Variants in AAK1 observed in about 807,000 individuals in gnomAD.
The protein encoded by AAK1 is AP2-associated protein kinase 1.
In AAK1, 37 loss-of-function variants were observed where a neutral mutation model predicts 116.0. That is an observed-to-expected ratio of 0.32 (90% CI 0.25 to 0.42). AAK1 has a LOEUF of 0.42. AAK1 is among the 10% of genes least tolerant of loss of function. The pLI is 1.00. For synonymous variants in AAK1, 458 were observed against 439.9 expected (o/e 1.04, Z -0.51); for missense variants, 919 against 1,170.6 (o/e 0.79, Z 3.14).
chr2:69,467,228 A>G lies in AAK1; in HGVS notation c.*8641T>C. ...TTTGTTTTCAGTCTTCTAAGTTCAT[A>G]AAGATCTCCTCTGCTTAAATGAATC... On this transcript the variant is annotated 3_prime_UTR_variant, in exon 22 of 22. Coordinates refer to ENST00000409085, the MANE Select transcript of AAK1 (RefSeq NM_014911.5). The G allele has an allele frequency of 1.0e-6, 1 of 985,440 alleles. No individual in the cohort carries two copies. Among genetic ancestry groups the G allele is most frequent in the Non-Finnish European group, 1.2e-6 (1 of 829,918 alleles). 61.0% of individuals were successfully genotyped at this position (985,440 alleles called of 1,614,324 possible). A position where few individuals can be genotyped will look rare whatever the true frequency, so the allele number is the denominator to read the frequency against.
chr2:69,604,485 T>C (rs1673712183), intron 2 of AAK1, among the ~76,000 whole-genome samples: 1 of 152,182 alleles, frequency 6.6e-6, no homozygotes, highest in African/African-American at 2.4e-5. Flanking sequence ...CAAATGCTCA[T>C]TGCTAACTCA....
chr2:69,570,595 G>C (rs1201869481), intron 2 of AAK1, among the ~76,000 whole-genome samples: 2 of 151,980 alleles, frequency 1.3e-5, no homozygotes, highest in African/African-American at 2.4e-5. Context: ...TCTCTAGGTA[G>C]GGCACCTGAA....
Position 69,472,679 on chromosome 2 carries a change from T to C in AAK1, c.*3190A>G. 2 of 985,442 alleles carry C rather than the reference T, an allele frequency of 2.0e-6. No individual in the cohort carries two copies. The highest frequency in any genetic ancestry group is 2.4e-6 in the Non-Finnish European group (2 of 829,918). 61.0% of individuals were successfully genotyped at this position (985,442 alleles called of 1,614,324 possible). On this transcript the variant is annotated 3_prime_UTR_variant, in exon 22 of 22. Coordinates refer to ENST00000409085, the MANE Select transcript of AAK1 (RefSeq NM_014911.5). ...TAAAGGGAAAAATCAATTTGTCATG[T>C]TTTCTGCTATAGTTACTCCTCTTAC...
intron 17 of AAK1, among the ~76,000 whole-genome samples, chr2:69,486,428 A>T (rs913151258): frequency 1.2e-4 from 18 of 152,186 alleles, no homozygotes; most frequent in African/African-American, 4.3e-4. Flanking sequence ...TCACATAGAT[A>T]ACTTGTATGG....
chr2:69,553,429 T>C (rs934073312), intron 3 of AAK1, among the ~76,000 whole-genome samples: 2 of 144,506 alleles, frequency 1.4e-5, no homozygotes, highest in African/African-American at 5.3e-5. Context: ...CTTCTAGAAT[T>C]GAAAGTTGTT....
At chr2:69,625,862 C>G (rs532785365) in intron 2 of AAK1, among the ~76,000 whole-genome samples, 1 of 152,102 alleles carries the variant, frequency 6.6e-6, no homozygotes, top group Non-Finnish European at 1.5e-5. Flanking sequence ...TATCCTTTGT[C>G]ATTTCTTCTC....
intron 3 of AAK1, among the ~76,000 whole-genome samples, chr2:69,546,110 C>T (rs6707545): frequency 0.25 from 37,153 of 149,530 alleles, 7,426 homozygotes; most frequent in African/African-American, 0.55. Context: ...TTTTTTTTTT[C>T]CCCCTGGCAA....
Position 69,466,207 on chromosome 2 carries a change from G to C in AAK1, c.*9662C>G. 1.2e-5 allele frequency: 16 copies of C among 1,289,806 alleles called. No homozygotes were observed. Among genetic ancestry groups the C allele is most frequent in the Non-Finnish European group, 1.6e-5 (16 of 988,872 alleles). 79.9% of individuals were successfully genotyped at this position (1,289,806 alleles called of 1,614,324 possible). A position where few individuals can be genotyped will look rare whatever the true frequency, so the allele number is the denominator to read the frequency against. The stretch of plus-strand genomic sequence containing the variant: ...CTTCCACCTTGCACTGTCTTTGCTT[G>C]CTCAGGAGAGACTTCTGGTGGAGCG... On this transcript the variant is annotated 3_prime_UTR_variant, in exon 22 of 22. Coordinates refer to ENST00000409085, the MANE Select transcript of AAK1 (RefSeq NM_014911.5).
chr2:69,517,043 C>G (rs1676611885), intron 12 of AAK1: 1 of 152,098 alleles, frequency 6.6e-6, no homozygotes, highest in Admixed American at 6.5e-5. Context: ...AAGGCCCCAC[C>G]TCTAGTAAAA....
chr2:69,619,865 C>A (rs1674512390), intron 2 of AAK1, among the ~76,000 whole-genome samples: 1 of 152,122 alleles, frequency 6.6e-6, no homozygotes, highest in African/African-American at 2.4e-5. Flanking sequence ...GAGCAATAAC[C>A]AGAGGAGAAG....
In AAK1 at chr2:69,463,840, G is replaced by C. The variant is rs988821158; in HGVS notation, c.*12029C>G. ...TTTTTATTTATTTTTTGAAGGGACA[G>C]GGTCTCGCTGTGTTGCCAGAGTTGG... On this transcript the variant is annotated 3_prime_UTR_variant, in exon 22 of 22. Coordinates refer to ENST00000409085, the MANE Select transcript of AAK1 (RefSeq NM_014911.5). 1 of 152,064 alleles carries C rather than the reference G, an allele frequency of 6.6e-6. No individual in the cohort carries two copies. The highest frequency in any genetic ancestry group is 2.4e-5 in the African/African-American group (1 of 41,342). The allele number at this position is 152,064 out of a possible 1,614,324, so 9.4% of individuals were successfully genotyped here.
chr2:69,556,620 A>G (rs1671396296), intron 3 of AAK1, among the ~76,000 whole-genome samples: 2 of 151,932 alleles, frequency 1.3e-5, no homozygotes, highest in South Asian at 2.1e-4. Flanking sequence ...CCAATGCCCA[A>G]AATGACTTTT....
Position 69,471,348 on chromosome 2 carries a change from C to A in AAK1, c.*4521G>T, listed in dbSNP as rs1216400488. On this transcript the variant is annotated 3_prime_UTR_variant, in exon 22 of 22. Transcript: ENST00000409085. ...GTTTCTTGTTATAGATTTCCTAGCACTCATTCTGATTTAAGAAATCTAAGC... is the reference window on the plus strand; with the variant it reads ...GTTTCTTGTTATAGATTTCCTAGCAATCATTCTGATTTAAGAAATCTAAGC... The A allele has an allele frequency of 1.0e-6, 1 of 985,316 alleles. No homozygotes were observed. The highest frequency in any genetic ancestry group is 1.7e-5 in the African/African-American group (1 of 57,240). The allele number at this position is 985,316 out of a possible 1,614,324, so 61.0% of individuals were successfully genotyped here. A position where few individuals can be genotyped will look rare whatever the true frequency, so the allele number is the denominator to read the frequency against.
At chr2:69,571,924 C>G (rs1672108028) in intron 2 of AAK1, among the ~76,000 whole-genome samples, 1 of 152,158 alleles carries the variant, frequency 6.6e-6, no homozygotes, top group African/African-American at 2.4e-5. Context: ...TGGTTTTCAC[C>G]TGGGATTATC....
At chr2:69,587,380 TATAC>T (rs1375726970) in intron 2 of AAK1, among the ~76,000 whole-genome samples, 3 of 100,112 alleles carry the variant, frequency 3.0e-5, no homozygotes, top group East Asian at 4.9e-4. Context: ...CACACACATA[TATAC>T]ACACACGTGT....
Position 69,643,637 on chromosome 2 carries a change from C to T in AAK1, c.-297G>A. 4 of 1,227,982 alleles carry T rather than the reference C, an allele frequency of 3.3e-6. No individual in the cohort carries two copies. The highest frequency in any genetic ancestry group is 4.1e-6 in the Non-Finnish European group (4 of 985,562). The allele number at this position is 1,227,982 out of a possible 1,614,324, so 76.1% of individuals were successfully genotyped here. On this transcript the variant is annotated 5_prime_UTR_variant, in exon 1 of 22. Coordinates refer to ENST00000409085, the MANE Select transcript of AAK1 (RefSeq NM_014911.5). ...CCGCGACATTGTCACGGCCGCCGGG[C>T]CGGCCTGCGACGCAGAGAAGAGGCG... is the stretch of plus-strand genomic sequence containing the variant.
chr2:69,612,985 A>T (rs1348572362), intron 2 of AAK1, among the ~76,000 whole-genome samples: 1 of 152,210 alleles, frequency 6.6e-6, no homozygotes, highest in Non-Finnish European at 1.5e-5. Flanking sequence ...GCCATGTGAA[A>T]TGGCCTAAGC....
intron 2 of AAK1, among the ~76,000 whole-genome samples, chr2:69,561,904 G>A (rs961055997): frequency 1.3e-5 from 2 of 152,088 alleles, no homozygotes; most frequent in Admixed American, 6.5e-5. Context: ...CATCTTCATC[G>A]TTCCATGTAG....
chr2:69,484,925 G>C (rs1020547696), intron 17 of AAK1, among the ~76,000 whole-genome samples: 1 of 151,436 alleles, frequency 6.6e-6, no homozygotes. Context: ...GAAAAAAAAG[G>C]AAGTTTTTCA....
Sources: allele counts gnomAD v4.1 joint callset (sites outside exome capture counted in the v4.1 genomes callset), GRCh38; gene constraint gnomAD v4.1.1; transcripts MANE v1.5; gene names NCBI Gene and HGNC (gene_info 2026-07-23, HGNC 2026-07-21).